Variants in SNX6 observed in about 807,000 individuals in gnomAD.
SNX6 encodes sorting nexin 6.
In SNX6, 34 loss-of-function variants were observed where a neutral mutation model predicts 63.0. The observed-to-expected ratio is 0.54, with a 90% CI of 0.41 to 0.72. The LOEUF is 0.72. SNX6 is among the 30% of genes least tolerant of loss of function. The pLI, the probability that SNX6 is intolerant of heterozygous loss-of-function variation, is 0.00. For synonymous variants in SNX6, 170 were observed against 164.2 expected (o/e 1.04, Z -0.27); for missense variants, 398 against 471.4 (o/e 0.84, Z 1.44).
chr14:34,602,093 C>G (rs923433674), intron 6 of SNX6, among the ~76,000 whole-genome samples: 1 of 151,192 alleles, frequency 6.6e-6, no homozygotes, highest in South Asian at 2.1e-4. Flanking sequence ...AGTTCGAGAC[C>G]AGCCTGGCCA....
chr14:34,609,275 T>C (rs1197791060), intron 3 of SNX6, among the ~76,000 whole-genome samples: 1 of 151,698 alleles, frequency 6.6e-6, no homozygotes, highest in Non-Finnish European at 1.5e-5. Flanking sequence ...ATCGAGACCA[T>C]CCTGGCTTAC....
intron 11 of SNX6, 33 bp downstream of exon 11, chr14:34,575,723 A>C (rs1441262049): frequency 7.9e-7 from 1 of 1,269,288 alleles, no homozygotes; most frequent in South Asian, 1.3e-5. Flanking sequence ...GGCTGTTTGT[A>C]AAATGGCTCA....
At chr14:34,583,830 T>A (rs527965177) in intron 9 of SNX6, among the ~76,000 whole-genome samples, 5 of 147,930 alleles carry the variant, frequency 3.4e-5, no homozygotes, top group African/African-American at 1.2e-4. Context: ...ATAAGAAGAA[T>A]TAACTCTTTG....
In SNX6 at chr14:34,609,663, T is replaced by C. The variant is rs758765120; in HGVS notation, c.134A>G (p.Lys45Arg). The C allele has an allele frequency of 1.2e-6, 2 of 1,611,124 alleles. No homozygotes were observed. Among genetic ancestry groups the C allele is most frequent in the African/African-American group, 1.3e-5 (1 of 74,822 alleles). ...CTTTGTGTGAACAGTGAATTTTACT[T>C]TATCCCGCTCACTAAGAGCATCAGA... ...DISDALSERD[K>R]VKFTVHTKSS... is the part of the protein sequence containing the mutation. Residue 45 changes from lysine (K) to arginine (R), a missense_variant, in exon 3 of 14, where the codon AAA becomes AGA. Physicochemically the swap from Lys to Arg is conservative, Grantham distance 26. Transcript: ENST00000362031.
At chr14:34,571,439 AAAC>A (rs937678967) in intron 11 of SNX6, among the ~76,000 whole-genome samples, 58 of 152,312 alleles carry the variant, frequency 3.8e-4, no homozygotes, top group Admixed American at 1.2e-3. Flanking sequence ...TCTCAAAAAA[AAAC>A]AACAACAAAA....
At chr14:34,615,750 G>A (rs901545767) in intron 2 of SNX6, among the ~76,000 whole-genome samples, 2 of 151,996 alleles carry the variant, frequency 1.3e-5, no homozygotes, top group African/African-American at 4.8e-5. Flanking sequence ...AAAGTGTTAG[G>A]ATTACAGGCG....
intron 9 of SNX6, among the ~76,000 whole-genome samples, chr14:34,583,558 A>G (rs1882030351): frequency 6.6e-6 from 1 of 151,798 alleles, no homozygotes; most frequent in Non-Finnish European, 1.5e-5. Flanking sequence ...TCAAGGCTGC[A>G]GTGCTCTATG....
chr14:34,623,758 G>T (rs74815138), intron 2 of SNX6, among the ~76,000 whole-genome samples: 5 of 152,198 alleles, frequency 3.3e-5, no homozygotes, highest in African/African-American at 9.7e-5. Context: ...TGAAGATAAG[G>T]AATACAAAGG....
chr14:34,629,360 C>A, intron 2 of SNX6: 2 of 371,978 alleles, frequency 5.4e-6, no homozygotes, highest in African/African-American at 2.1e-5. Flanking sequence ...GTAAAGATAC[C>A]ATGGGCTACC....
At chr14:34,564,451 C>T (rs1881077824) in intron 13 of SNX6, among the ~76,000 whole-genome samples, 1 of 152,204 alleles carries the variant, frequency 6.6e-6, no homozygotes, top group Non-Finnish European at 1.5e-5. Context: ...GGGGCAGAAT[C>T]ACCTCTGGTT....
chr14:34,595,631 C>A (rs934886020), intron 7 of SNX6, among the ~76,000 whole-genome samples: 4 of 152,166 alleles, frequency 2.6e-5, no homozygotes, highest in Non-Finnish European at 5.9e-5. Flanking sequence ...GATATTAATG[C>A]ATAAGCAGCA....
intron 10 of SNX6, among the ~76,000 whole-genome samples, chr14:34,576,640 G>A (rs1868932211): frequency 6.6e-6 from 1 of 151,324 alleles, no homozygotes; most frequent in African/African-American, 2.4e-5. Flanking sequence ...GTAGAGGTGG[G>A]GTTTCACTAT....
intron 6 of SNX6, among the ~76,000 whole-genome samples, chr14:34,598,529 C>T (rs914404083): frequency 1.3e-5 from 2 of 152,132 alleles, no homozygotes; most frequent in Non-Finnish European, 1.5e-5. Context: ...GTAGCTGGGA[C>T]CACAGGCATG....
chr14:34,578,604 T>C (rs771332631), intron 10 of SNX6, among the ~76,000 whole-genome samples: 4 of 133,520 alleles, frequency 3.0e-5, no homozygotes, highest in Middle Eastern at 5.0e-3. Context: ...CATTCCAGCC[T>C]GGGTGACAGA....
intron 8 of SNX6, among the ~76,000 whole-genome samples, chr14:34,590,285 G>A (rs772697648): frequency 4.0e-5 from 6 of 151,742 alleles, no homozygotes; most frequent in Non-Finnish European, 7.4e-5. Flanking sequence ...AAAATTAGCC[G>A]GGCGTGGTGG....
intron 7 of SNX6, among the ~76,000 whole-genome samples, chr14:34,596,124 G>A (rs771436947): frequency 6.6e-5 from 10 of 151,810 alleles, no homozygotes; most frequent in Non-Finnish European, 1.2e-4. Flanking sequence ...GGAGGCTGAG[G>A]CAGAATGGTG....
intron 11 of SNX6, among the ~76,000 whole-genome samples, chr14:34,570,725 CTTTT>C (rs35102326): frequency 2.6e-5 from 3 of 114,378 alleles, no homozygotes; most frequent in East Asian, 5.0e-4. Context: ...CTGGCCTTCT[CTTTT>C]TTTTTTTTTT....
rs764130738 is a variant in SNX6 at position 34,567,775 on chromosome 14, T to C, written c.1082-4A>G. ...CTTGTCTTAAAATCTATAAGTTCTGTGAAAAAGAAATTAGGATTATTTAAT... is the reference window on the plus strand; with the variant it reads ...CTTGTCTTAAAATCTATAAGTTCTGCGAAAAAGAAATTAGGATTATTTAAT... On this transcript the variant is annotated splice_polypyrimidine_tract_variant and splice_region_variant and intron_variant, in intron 12 of 13. Transcript: ENST00000362031. 6.2e-7 allele frequency: 1 copy of C among 1,613,208 alleles called. No individual in the cohort carries two copies. The highest frequency in any genetic ancestry group is 8.5e-7 in the Non-Finnish European group (1 of 1,179,382).
At chr14:34,629,656 G>C (rs1876645067) in intron 2 of SNX6, 2 of 690,434 alleles carry the variant, frequency 2.9e-6, no homozygotes, top group South Asian at 1.5e-5. Flanking sequence ...TGGGAGTGGA[G>C]GTCCACCAGA....
Sources: gnomAD v4.1 joint callset for allele counts (sites outside exome capture counted in the v4.1 genomes callset) on GRCh38, gnomAD v4.1.1 for gene constraint, MANE v1.5 for transcripts, NCBI Gene and HGNC (gene_info 2026-07-23, HGNC 2026-07-21) for gene names.